The following GSTA2 variants were observed in gnomAD, a reference collection of about 807,000 sequenced individuals.
The protein encoded by GSTA2 is glutathione S-transferase A2.
A neutral mutation model predicts 22.4 loss-of-function variants in GSTA2; 27 were observed. The ratio of observed to expected loss-of-function variants is 1.21; its 90% CI spans 0.89 to 1.67. GSTA2 has a LOEUF of 1.67. Among genes scored for constraint, GSTA2 ranks in the 40% most tolerant of loss-of-function variants. The pLI is 0.00. For synonymous variants in GSTA2, 121 were observed against 86.8 expected (o/e 1.39, Z -2.19); for missense variants, 302 against 260.2 (o/e 1.16, Z -1.11).
At chr6:52,763,222 C>T (rs950012121) in intron 1 of GSTA2, among the ~76,000 whole-genome samples, 1 of 152,058 alleles carries the variant, frequency 6.6e-6, no homozygotes, top group South Asian at 2.1e-4. Flanking sequence ...AATGCTGAGG[C>T]CCTGGTTTTC....
intron 4 of GSTA2, 83 bp downstream of exon 4, chr6:52,754,860 C>G: frequency 6.3e-7 from 1 of 1,583,266 alleles, no homozygotes; most frequent in Non-Finnish European, 8.6e-7. Context: ...GTCTTGATAC[C>G]CTGCCATGGT....
At chr6:52,752,256 C>T (rs1762758346) in intron 5 of GSTA2, among the ~76,000 whole-genome samples, 1 of 152,160 alleles carries the variant, frequency 6.6e-6, no homozygotes, top group African/African-American at 2.4e-5. Flanking sequence ...TTTTTTACAG[C>T]ATCGACTCTG....
rs1397446247 is a variant in GSTA2, at chr6:52,754,150, T to G, written c.272+793A>C. ...TGATGGATATTTGGGTTGTTTCCAC[T>G]TTTTGAATTCTATGAATATTGTTAT... On this transcript the variant is annotated intron_variant, in intron 4 of 6. Transcript: ENST00000493422. 1.2e-4 allele frequency among the ~76,000 whole-genome samples: 18 copies of G among 152,368 alleles called. No individual in the cohort carries two copies. In the East Asian group the frequency reaches 3.3e-3, roughly 28 times the overall value.
At chr6:52,754,861 C>T in intron 4 of GSTA2, 82 bp downstream of exon 4, 3 of 1,586,072 alleles carry the variant, frequency 1.9e-6, no homozygotes, top group Non-Finnish European at 2.6e-6. Context: ...TCTTGATACC[C>T]TGCCATGGTC....
At position 52,754,972 on chromosome 6, in the gene GSTA2, G is replaced by C; in HGVS notation, c.243C>G (p.Leu81=). Residue 81 remains leucine, a synonymous_variant, in exon 4 of 7, where the codon CTC becomes CTG. Coordinates refer to ENST00000493422, the MANE Select transcript of GSTA2 (RefSeq NM_000846.5). ...ILNYIASKYN[L]YGKDIKEKAL... ...CTTTCTCCTTTATGTCTTTCCCATA[G>C]AGGTTGTATTTGCTGGCAATGTAGT... 1 of 1,614,022 alleles carries C rather than the reference G, an allele frequency of 6.2e-7. No homozygotes were observed. Among genetic ancestry groups the C allele is most frequent in the Non-Finnish European group, 8.5e-7 (1 of 1,179,968 alleles).
chr6:52,753,312 C>T (rs1244254345), intron 4 of GSTA2, among the ~76,000 whole-genome samples: 2 of 152,200 alleles, frequency 1.3e-5, no homozygotes, highest in Non-Finnish European at 2.9e-5. Context: ...GGTGGAATCA[C>T]TGCCAGTACC....
chr6:52,763,213 A>C (rs1198131726), intron 1 of GSTA2, among the ~76,000 whole-genome samples: 1 of 152,142 alleles, frequency 6.6e-6, no homozygotes, highest in Non-Finnish European at 1.5e-5. Context: ...ATACCTTTAA[A>C]TGCTGAGGCC....
intron 1 of GSTA2, among the ~76,000 whole-genome samples, chr6:52,760,900 T>C (rs1762940022): frequency 6.6e-6 from 1 of 152,094 alleles, no homozygotes. Context: ...AATAATTAAT[T>C]TACATCAATT....
At chr6:52,756,765 C>T (rs1328911329) in intron 2 of GSTA2, among the ~76,000 whole-genome samples, 2 of 152,220 alleles carry the variant, frequency 1.3e-5, no homozygotes, top group Admixed American at 6.5e-5. Context: ...TTTGTATCGC[C>T]CCACTTCTCA....
At chr6:52,756,360 C>G (rs764379694) in intron 2 of GSTA2, 51 bp from the exon 3 acceptor site, 23 of 1,412,510 alleles carry the variant, frequency 1.6e-5, no homozygotes, top group Non-Finnish European at 2.1e-5. Flanking sequence ...CTATTATAGA[C>G]CTGTGAAATT....
chr6:52,752,497 T>G (rs2127285243), intron 5 of GSTA2, among the ~76,000 whole-genome samples: 1 of 152,290 alleles, frequency 6.6e-6, no homozygotes, highest in Admixed American at 6.5e-5. Context: ...ATGGATCACT[T>G]TCATCATGCC....
At chr6:52,753,545 G>T (rs910074399) in intron 4 of GSTA2, among the ~76,000 whole-genome samples, 1 of 152,112 alleles carries the variant, frequency 6.6e-6, no homozygotes, top group South Asian at 2.1e-4. Context: ...CATGAAAAAC[G>T]TTTCCACAGC....
intron 5 of GSTA2, among the ~76,000 whole-genome samples, chr6:52,752,102 G>A (rs1762749779): frequency 6.6e-6 from 1 of 152,084 alleles, no homozygotes; most frequent in Non-Finnish European, 1.5e-5. Context: ...TCTCCCTTGG[G>A]CAGTGACTCC....
intron 4 of GSTA2, 56 bp from the exon 5 acceptor site, chr6:52,753,051 T>C: frequency 6.6e-7 from 1 of 1,512,844 alleles, no homozygotes; most frequent in Non-Finnish European, 8.9e-7. Context: ...ATTTTATAGG[T>C]TTATAAAAAC....
At chr6:52,759,047 T>G (rs1762902490) in intron 1 of GSTA2, among the ~76,000 whole-genome samples, 2 of 152,340 alleles carry the variant, frequency 1.3e-5, no homozygotes, top group South Asian at 4.1e-4. Context: ...TTCTCAAATA[T>G]GCATGGTAAT....
chr6:52,760,617 T>A (rs1021964718), intron 1 of GSTA2, among the ~76,000 whole-genome samples: 2 of 152,190 alleles, frequency 1.3e-5, no homozygotes, highest in African/African-American at 4.8e-5. Context: ...CCTGAACTTC[T>A]GATTGCAGGT....
chr6:52,754,566 T>C (rs752391189), intron 4 of GSTA2, among the ~76,000 whole-genome samples: 20 of 152,170 alleles, frequency 1.3e-4, no homozygotes, highest in Non-Finnish European at 2.4e-4. Context: ...CCCTCCCCAG[T>C]CCTTCATCTA....
Position 52,755,215 on chromosome 6 carries a change from C to T in GSTA2, c.140-140G>A, listed in dbSNP as rs1265177811. On this transcript the variant is annotated intron_variant, in intron 3 of 6. Coordinates refer to ENST00000493422, the MANE Select transcript of GSTA2 (RefSeq NM_000846.5). The stretch of plus-strand genomic sequence containing the variant: ...CCTGGTAAGAGTTCACTTGAAACAA[C>T]TTTTTTTTTTTTTTTTTGAGGCAGA... The T allele has an allele frequency of 1.8e-4, 128 of 709,398 alleles. 2 individuals carry two copies. The highest frequency in any genetic ancestry group is 8.2e-4 in the Middle Eastern group (2 of 2,448). The allele number at this position is 709,398 out of a possible 1,614,324, so 43.9% of individuals were successfully genotyped here.
chr6:52,761,797 G>A (rs1201317335), intron 1 of GSTA2, among the ~76,000 whole-genome samples: 2 of 150,498 alleles, frequency 1.3e-5, no homozygotes, highest in African/African-American at 4.8e-5. Context: ...GAGGGAGGGG[G>A]GCTACAAATC....
Sources: allele counts gnomAD v4.1 joint callset (sites outside exome capture counted in the v4.1 genomes callset), GRCh38; gene constraint gnomAD v4.1.1; transcripts MANE v1.5; gene names NCBI Gene and HGNC (gene_info 2026-07-23, HGNC 2026-07-21).